Variants in CEP63 observed in about 807,000 individuals in gnomAD.
The protein encoded by CEP63 is centrosomal protein 63.
CEP63 carries 84 observed loss-of-function variants against 89.1 expected under a neutral mutation model. The observed-to-expected ratio is 0.94, with a 90% CI of 0.79 to 1.13. The LOEUF is 1.13. CEP63 is among the 50% of genes most tolerant of loss of function. The probability of loss-of-function intolerance (pLI) is 0.00; values close to 1 mark genes in which losing one functional copy is unlikely to be tolerated. For synonymous variants in CEP63, 267 were observed against 272.5 expected (o/e 0.98, Z 0.20); for missense variants, 838 against 813.3 (o/e 1.03, Z -0.37).
At chr3:134,726,112 TG>T in the CEP63 span, among the ~76,000 whole-genome samples, 1 of 152,236 alleles carries the variant, frequency 6.6e-6, no homozygotes, top group Admixed American at 6.5e-5. Context: ...AGATTTCTGA[TG>T]TTTCAAAACA....
chr3:134,549,169 T>A lies in CEP63; in HGVS notation c.1175T>A (p.Ile392Asn). 1 of 1,601,938 alleles carries A rather than the reference T, an allele frequency of 6.2e-7. No homozygotes were observed. Among genetic ancestry groups the A allele is most frequent in the Non-Finnish European group, 8.6e-7 (1 of 1,169,152 alleles). Reference protein sequence around the residue: ...EAHNNEYKAEIKKLKEQILQG... With the variant: ...EAHNNEYKAENKKLKEQILQG... ...CATAACAATGAATACAAAGCAGAGA[T>A]TAAGAAGGTAAAAATCTGCATACCT... The change falls in exon 10 of 15, where the codon ATT becomes AAT. Residue 392 changes from isoleucine to asparagine, a missense_variant. Coordinates refer to ENST00000675561, the MANE Select transcript of CEP63 (RefSeq NM_001353108.3).
At chr3:134,692,593 T>C in the CEP63 span, among the ~76,000 whole-genome samples, 4 of 152,176 alleles carry the variant, frequency 2.6e-5, no homozygotes, top group Non-Finnish European at 5.9e-5. Flanking sequence ...GAGAGTAAAA[T>C]AGGCAAATAA....
chr3:134,554,904 G>A (rs1461248168), intron 12 of CEP63, among the ~76,000 whole-genome samples: 7 of 151,944 alleles, frequency 4.6e-5, no homozygotes, highest in East Asian at 3.9e-4. Context: ...GTCTGTTCAT[G>A]TCCTTTGCCC....
At chr3:134,641,449 G>T in the CEP63 span, among the ~76,000 whole-genome samples, 1 of 152,132 alleles carries the variant, frequency 6.6e-6, no homozygotes, top group African/African-American at 2.4e-5. Flanking sequence ...AGAAGGCAAT[G>T]TGACAATGGA....
chr3:134,703,533 C>T, the CEP63 span, among the ~76,000 whole-genome samples: 1 of 151,992 alleles, frequency 6.6e-6, no homozygotes, highest in Non-Finnish European at 1.5e-5. Context: ...GAATAGAAAA[C>T]CAAATACCGT....
rs980973726 is a variant in CEP63, at chr3:134,564,809, G to A, written c.*3274G>A. The A allele has an allele frequency of 1.6e-5, 16 of 985,176 alleles. No individual in the cohort carries two copies. Among genetic ancestry groups the A allele is most frequent in the East Asian group, 1.1e-4 (1 of 8,818 alleles). 61.0% of individuals were successfully genotyped at this position (985,176 alleles called of 1,614,324 possible). A position where few individuals can be genotyped will look rare whatever the true frequency, so the allele number is the denominator to read the frequency against. On this transcript the variant is annotated 3_prime_UTR_variant, in exon 15 of 15. Transcript: ENST00000675561. ...CCCGTTTCTGAAACGTTTGTACTAC[G>A]TGTTGACTAGGAGGAACAATGACAG...
chr3:134,581,022 CTCCACTGGCCATTGGTGG>C (rs1303890578), intron 10 of CEP63, among the ~76,000 whole-genome samples: 3 of 25,968 alleles, frequency 1.2e-4, no homozygotes, highest in Non-Finnish European at 3.0e-4. Context: ...ATGAGAAGGA[CTCCACTGGCCATTGGTGG>C]TTATGAAGAT....
chr3:134,609,618 C>T, the CEP63 span, among the ~76,000 whole-genome samples: 1 of 152,142 alleles, frequency 6.6e-6, no homozygotes, highest in East Asian at 1.9e-4. Flanking sequence ...CAGGATTGGC[C>T]AGAGCCCCAG....
chr3:134,739,231 C>A, the CEP63 span, among the ~76,000 whole-genome samples: 1 of 152,114 alleles, frequency 6.6e-6, no homozygotes, highest in African/African-American at 2.4e-5. Flanking sequence ...AAAGTGGAAA[C>A]AACCCAAAGT....
intron 2 of CEP63, among the ~76,000 whole-genome samples, chr3:134,499,249 G>C (rs570205399): frequency 6.6e-6 from 1 of 152,112 alleles, no homozygotes; most frequent in African/African-American, 2.4e-5. Context: ...TAATTCTTCC[G>C]AGTTCAATCT....
intron 2 of CEP63, among the ~76,000 whole-genome samples, chr3:134,498,810 T>C (rs533744628): frequency 1.3e-5 from 2 of 152,250 alleles, no homozygotes; most frequent in African/African-American, 2.4e-5. Context: ...GATGATCATA[T>C]GGTTTTTGTC....
chr3:134,556,224 C>A (rs963220834), intron 12 of CEP63, among the ~76,000 whole-genome samples: 3 of 151,602 alleles, frequency 2.0e-5, no homozygotes, highest in African/African-American at 4.8e-5. Context: ...GCAAGGACTT[C>A]ATGTCTAAAA....
the CEP63 span, among the ~76,000 whole-genome samples, chr3:134,678,016 C>A: frequency 6.6e-6 from 1 of 152,084 alleles, no homozygotes; most frequent in Non-Finnish European, 1.5e-5. Flanking sequence ...ACACAAATCT[C>A]AGTATGCCAC....
rs190258123 is a variant in CEP63, at chr3:134,523,629, C to T, written c.223-8216C>T. Among the ~76,000 whole-genome samples the T allele has an allele frequency of 1.4e-4, 22 of 152,214 alleles. No homozygotes were observed. The East Asian group carries it at 3.1e-3, about 21-fold the overall frequency. ...TGTGGCTAGCCAGTTATCCCAGCACCGTTTATTGAATAGGGAGTCCTTTCC... is the reference window on the plus strand; with the variant it reads ...TGTGGCTAGCCAGTTATCCCAGCACTGTTTATTGAATAGGGAGTCCTTTCC... On this transcript the variant is annotated intron_variant, in intron 3 of 14. Coordinates refer to ENST00000675561, the MANE Select transcript of CEP63 (RefSeq NM_001353108.3).
At chr3:134,647,216 G>T in the CEP63 span, among the ~76,000 whole-genome samples, 38 of 152,328 alleles carry the variant, frequency 2.5e-4, no homozygotes, top group African/African-American at 8.7e-4. Flanking sequence ...TCCTGGCACT[G>T]CTCTTCAGCC....
At chr3:134,647,559 G>C in the CEP63 span, 1 of 1,000,586 alleles carries the variant, frequency 1.0e-6, no homozygotes, top group Non-Finnish European at 1.6e-6. Flanking sequence ...TGTACCAGTT[G>C]CAGACTTATC....
the CEP63 span, among the ~76,000 whole-genome samples, chr3:134,703,345 A>G: frequency 6.0e-5 from 9 of 151,132 alleles, no homozygotes; most frequent in South Asian, 1.9e-3. Flanking sequence ...TTGCAGCACT[A>G]TTCACAATAG....
downstream of CEP63, among the ~76,000 whole-genome samples, chr3:134,592,766 AT>A (rs1958626865): frequency 6.6e-6 from 1 of 152,066 alleles, no homozygotes. Flanking sequence ...CAATTCATTA[AT>A]TTTTTTAACT....
intron 10 of CEP63, among the ~76,000 whole-genome samples, chr3:134,584,982 G>A (rs1317512189): frequency 2.0e-4 from 6 of 30,576 alleles, no homozygotes; most frequent in African/African-American, 8.3e-4. Context: ...TTTGCATGGA[G>A]GTGTTTATAG....
Sources: allele counts gnomAD v4.1 joint callset (sites outside exome capture counted in the v4.1 genomes callset), GRCh38; gene constraint gnomAD v4.1.1; transcripts MANE v1.5; gene names NCBI Gene and HGNC (gene_info 2026-07-23, HGNC 2026-07-21).